FXYD2: variants seen among roughly 807,000 people sequenced by gnomAD.
FXYD2 encodes the protein sodium/potassium-transporting ATPase subunit gamma.
Under a neutral mutation model 11.8 loss-of-function variants are expected in FXYD2, and 8 were observed. That is an observed-to-expected ratio of 0.68 (90% CI 0.40 to 1.22). The LOEUF (loss-of-function observed/expected upper bound fraction) is 1.22, where lower values mean the gene tolerates loss of function less well. Among genes scored for constraint, FXYD2 ranks in the 50% most tolerant of loss-of-function variants. The pLI is 0.01. For missense variants in FXYD2, 92 were observed against 91.8 expected, an observed-to-expected ratio of 1.00 and a Z score of -0.01; for synonymous variants, 42 against 33.3, an observed-to-expected ratio of 1.26 and a Z score of -0.90.
In FXYD2 at chr11:117,822,719, T is replaced by C. The variant is rs1404952419; in HGVS notation, c.26-2A>G. On this transcript the variant is annotated splice_acceptor_variant, in intron 1 of 5. Coordinates refer to ENST00000292079, the MANE Select transcript of FXYD2 (RefSeq NM_001680.5). LOFTEE classifies it high-confidence loss of function. The surrounding 1 kb of genome is among the most constrained non-coding windows in gnomAD (Gnocchi z 4.7). Reference sequence around the variant, plus strand: ...CCACGTCCCCCTTGGGGCTGCCGCCTAGGAGAGAGCCAGAGGTGGGATGAG... The same window carrying C: ...CCACGTCCCCCTTGGGGCTGCCGCCCAGGAGAGAGCCAGAGGTGGGATGAG... 6.2e-7 allele frequency: 1 copy of C among 1,609,312 alleles called. No individual in the cohort carries two copies. Among genetic ancestry groups the C allele is most frequent in the Non-Finnish European group, 8.5e-7 (1 of 1,178,966 alleles).
upstream of FXYD2, among the ~76,000 whole-genome samples, chr11:117,825,703 A>T (rs1301009540): frequency 6.6e-6 from 1 of 151,516 alleles, no homozygotes; most frequent in Non-Finnish European, 1.5e-5. Flanking sequence ...CAGCCTCCCC[A>T]CTCCGCTGTG....
chr11:117,820,236 C>G lies in FXYD2; in HGVS notation c.*143G>C, dbSNP rs902147230. On this transcript the variant is annotated 3_prime_UTR_variant, in exon 6 of 6. Coordinates refer to ENST00000292079, the MANE Select transcript of FXYD2 (RefSeq NM_001680.5). ...ATGCCACCTGGGGGTCACATTGAGT[C>G]TGGAGCTTCCTTCAGCCCAAGCGCT... 16 of 186,490 alleles carry G rather than the reference C, an allele frequency of 8.6e-5. No individual in the cohort carries two copies. The highest frequency in any genetic ancestry group is 3.5e-4 in the African/African-American group (15 of 42,672). The allele number at this position is 186,490 out of a possible 1,614,324, so 11.6% of individuals were successfully genotyped here. A position where few individuals can be genotyped will look rare whatever the true frequency, so the allele number is the denominator to read the frequency against.
rs1192559058 is a variant in FXYD2 at position 117,822,964 on chromosome 11, T to C, written c.26-247A>G. Among the ~76,000 whole-genome samples, 1 of 152,080 alleles carries C rather than the reference T, an allele frequency of 6.6e-6. No individual in the cohort carries two copies. Among genetic ancestry groups the C allele is most frequent in the Non-Finnish European group, 1.5e-5 (1 of 68,002 alleles). ...GGGGATCCGTGCTGTCTGGGGGGCC[T>C]CTGACCACTCCGGAAGGGTGGCTCT... On this transcript the variant is annotated intron_variant, in intron 1 of 5. Coordinates refer to ENST00000292079, the MANE Select transcript of FXYD2 (RefSeq NM_001680.5). This position sits in a 1 kb window ranked among gnomAD's most constrained non-coding sequence, Gnocchi z 4.7.
At position 117,824,653 on chromosome 11, in the gene FXYD2, C is replaced by G. The variant is rs1235085781; in HGVS notation, c.25+1G>C. The G allele has an allele frequency of 2.5e-6, 4 of 1,613,534 alleles. No homozygotes were observed. Among genetic ancestry groups the G allele is most frequent in the African/African-American group, 2.7e-5 (2 of 74,896 alleles). On this transcript the variant is annotated splice_donor_variant, in intron 1 of 5. Transcript: ENST00000292079. LOFTEE classifies it high-confidence loss of function. This position sits in a 1 kb window ranked among gnomAD's most constrained non-coding sequence, Gnocchi z 4.0. The stretch of plus-strand genomic sequence containing the variant: ...CCGGGCACGCACACCAGCACACTCA[C>G]CACCGTCCATCGACAACCCAGTCAT...
At position 117,824,081 on chromosome 11, in the gene FXYD2, G is replaced by A. The variant is rs190138826; in HGVS notation, c.25+573C>T. ...CACGCCCCAGGAAACCTCCTCCTCC[G>A]TGGCCACCTGGCCCTGAGCCGCTTG... is the stretch of plus-strand genomic sequence containing the variant. On this transcript the variant is annotated intron_variant, in intron 1 of 5. Coordinates refer to ENST00000292079, the MANE Select transcript of FXYD2 (RefSeq NM_001680.5). This position sits in a 1 kb window ranked among gnomAD's most constrained non-coding sequence, Gnocchi z 4.0. 66 of 164,970 alleles carry A rather than the reference G, an allele frequency of 4.0e-4. No homozygotes were observed. The highest frequency in any genetic ancestry group is 1.7e-3 in the South Asian group (11 of 6,322). The allele number at this position is 164,970 out of a possible 1,614,324, so 10.2% of individuals were successfully genotyped here.
chr11:117,821,235 T>C (rs996879381), intron 3 of FXYD2: 1 of 598,938 alleles, frequency 1.7e-6, no homozygotes, highest in Non-Finnish European at 2.1e-6. Flanking sequence ...TAAAAAAATT[T>C]TTTTTTGTAT....
chr11:117,822,398 C>G lies in FXYD2; in HGVS notation c.139+8G>C. The G allele has an allele frequency of 2.6e-6, 4 of 1,555,410 alleles. No homozygotes were observed. Among genetic ancestry groups the G allele is most frequent in the Non-Finnish European group, 3.5e-6 (4 of 1,148,862 alleles). The stretch of plus-strand genomic sequence containing the variant: ...CAGCACCCCTTCCCTGGAGGCCACC[C>G]CACTTACTGAGGAGGATGAGGAGCC... On this transcript the variant is annotated splice_region_variant and intron_variant, in intron 3 of 5. Coordinates refer to ENST00000292079, the MANE Select transcript of FXYD2 (RefSeq NM_001680.5). This position sits in a 1 kb window ranked among gnomAD's most constrained non-coding sequence, Gnocchi z 4.7.
At chr11:117,820,612 G>C in intron 5 of FXYD2, 54 bp downstream of exon 5, 1 of 1,608,148 alleles carries the variant, frequency 6.2e-7, no homozygotes, top group Non-Finnish European at 8.5e-7. Flanking sequence ...CTTCCCTGTT[G>C]CTCCCAAGCC....
intron 5 of FXYD2, 29 bp from the exon 6 acceptor site, chr11:117,820,401 G>A (rs2055868944): frequency 1.8e-6 from 1 of 552,426 alleles, no homozygotes; most frequent in Admixed American, 3.2e-5. Context: ...GATGGGGTTG[G>A]GTGGGAGGCA....
At chr11:117,826,961 G>A (rs1351354439), upstream of FXYD2, among the ~76,000 whole-genome samples, 1 of 152,202 alleles carries the variant, frequency 6.6e-6, no homozygotes, top group East Asian at 1.9e-4. Context: ...AACATTAACA[G>A]TGCCAGGTAA....
At position 117,821,694 on chromosome 11, in the gene FXYD2, G is replaced by A. The variant is rs937805816; in HGVS notation, c.139+712C>T. ...GACTGTGGCCCGAGCCTTGGGGTGGGCTGGCAGTGGCACACGTAGAGAGAG... is the reference window on the plus strand; with the variant it reads ...GACTGTGGCCCGAGCCTTGGGGTGGACTGGCAGTGGCACACGTAGAGAGAG... On this transcript the variant is annotated intron_variant, in intron 3 of 5. Coordinates refer to ENST00000292079, the MANE Select transcript of FXYD2 (RefSeq NM_001680.5). 4.2e-6 allele frequency: 4 copies of A among 960,750 alleles called. No homozygotes were observed. The African/African-American group carries it at 5.3e-5, about 13-fold the overall frequency. The allele number at this position is 960,750 out of a possible 1,614,324, so 59.5% of individuals were successfully genotyped here. A position where few individuals can be genotyped will look rare whatever the true frequency, so the allele number is the denominator to read the frequency against.
Position 117,822,089 on chromosome 11 carries a change from T to A in FXYD2, c.139+317A>T. 1 of 1,311,590 alleles carries A rather than the reference T, an allele frequency of 7.6e-7. No individual in the cohort carries two copies. The highest frequency in any genetic ancestry group is 9.8e-7 in the Non-Finnish European group (1 of 1,020,434). 81.2% of individuals were successfully genotyped at this position (1,311,590 alleles called of 1,614,324 possible). ...ATCATCCCTATTTAACAAATGAGTTTGGGACCATGGTTAGCAGCGGGGGGC... is the reference window on the plus strand; with the variant it reads ...ATCATCCCTATTTAACAAATGAGTTAGGGACCATGGTTAGCAGCGGGGGGC... On this transcript the variant is annotated intron_variant, in intron 3 of 5. Coordinates refer to ENST00000292079, the MANE Select transcript of FXYD2 (RefSeq NM_001680.5). The surrounding 1 kb of genome is among the most constrained non-coding windows in gnomAD (Gnocchi z 4.7).
Position 117,822,976 on chromosome 11 carries a change from G to A in FXYD2, c.26-259C>T, listed in dbSNP as rs1030363683. On this transcript the variant is annotated intron_variant, in intron 1 of 5. Transcript: ENST00000292079. The surrounding 1 kb of genome is among the most constrained non-coding windows in gnomAD (Gnocchi z 4.7). ...TGTCTGGGGGGCCTCTGACCACTCCGGAAGGGTGGCTCTCTCCTGCTCCTT... is the reference window on the plus strand; with the variant it reads ...TGTCTGGGGGGCCTCTGACCACTCCAGAAGGGTGGCTCTCTCCTGCTCCTT... Among the ~76,000 whole-genome samples the A allele has an allele frequency of 1.3e-5, 2 of 152,138 alleles. No homozygotes were observed. Among genetic ancestry groups the A allele is most frequent in the African/African-American group, 4.8e-5 (2 of 41,432 alleles).
chr11:117,825,471 T>C (rs974646640), upstream of FXYD2, among the ~76,000 whole-genome samples: 1 of 152,198 alleles, frequency 6.6e-6, no homozygotes. Context: ...AGGGCAAGAC[T>C]TTCATCGTGG....
chr11:117,827,926 G>A, upstream of FXYD2: 1 of 1,094,742 alleles, frequency 9.1e-7, no homozygotes, highest in Non-Finnish European at 1.4e-6. Flanking sequence ...GGGTGCACTT[G>A]AAAGGGACGG....
At chr11:117,821,855 T>G in intron 3 of FXYD2, 1 of 998,764 alleles carries the variant, frequency 1.0e-6, no homozygotes, top group Non-Finnish European at 1.2e-6. Context: ...TTCCATGGGT[T>G]GTGTTTTCTG....
At chr11:117,825,899 G>A (rs2056025848), upstream of FXYD2, among the ~76,000 whole-genome samples, 1 of 152,138 alleles carries the variant, frequency 6.6e-6, no homozygotes, top group Non-Finnish European at 1.5e-5. Context: ...CTGTATCCAT[G>A]AATCCTCCCC....
chr11:117,824,712 C>A lies in FXYD2; in HGVS notation c.-34G>T, dbSNP rs375591023. 1 of 1,613,144 alleles carries A rather than the reference C, an allele frequency of 6.2e-7. No individual in the cohort carries two copies. Among genetic ancestry groups the A allele is most frequent in the Admixed American group, 1.7e-5 (1 of 59,948 alleles). On this transcript the variant is annotated 5_prime_UTR_variant, in exon 1 of 6. Coordinates refer to ENST00000292079, the MANE Select transcript of FXYD2 (RefSeq NM_001680.5). This position sits in a 1 kb window ranked among gnomAD's most constrained non-coding sequence, Gnocchi z 4.0. ...GTGAATGGGCTGCCTCCACTCCCCT[C>A]TTCCTGCTGTCTCTGCTTTTTGGAG...
rs933658425 is a variant in FXYD2, at chr11:117,824,357, G to A, written c.25+297C>T. 32 of 547,904 alleles carry A rather than the reference G, an allele frequency of 5.8e-5. No individual in the cohort carries two copies. Among genetic ancestry groups the A allele is most frequent in the Admixed American group, 2.8e-4 (9 of 32,622 alleles). The allele number at this position is 547,904 out of a possible 1,614,324, so 33.9% of individuals were successfully genotyped here. A position where few individuals can be genotyped will look rare whatever the true frequency, so the allele number is the denominator to read the frequency against. ...CGCCCAAGTTCAGACGGTCTAGCAA[G>A]ATGCATTGAACTCAGGGCGGGTGTG... is the stretch of plus-strand genomic sequence containing the variant. On this transcript the variant is annotated intron_variant, in intron 1 of 5. Coordinates refer to ENST00000292079, the MANE Select transcript of FXYD2 (RefSeq NM_001680.5). This position sits in a 1 kb window ranked among gnomAD's most constrained non-coding sequence, Gnocchi z 4.0.
Sources: allele counts gnomAD v4.1 joint callset (sites outside exome capture counted in the v4.1 genomes callset), GRCh38; gene constraint gnomAD v4.1.1; non-coding constraint Gnocchi (gnomAD v3.1); transcripts MANE v1.5; gene names NCBI Gene and HGNC (gene_info 2026-07-23, HGNC 2026-07-21).